CWH43: variants seen among roughly 807,000 people sequenced by gnomAD.
The protein encoded by CWH43 is PGAP2-interacting protein.
In CWH43, 91 loss-of-function variants were observed where a neutral mutation model predicts 85.7. The ratio of observed to expected loss-of-function variants is 1.06; its 90% CI spans 0.90 to 1.26. CWH43 has a LOEUF of 1.26. Ranked by LOEUF, CWH43 falls within the 50% of genes most tolerant of loss-of-function variation. CWH43 has a pLI of 0.00. For missense variants in CWH43, 869 were observed against 839.2 expected (o/e 1.04, Z -0.44); for synonymous variants, 323 against 293.6 (o/e 1.10, Z -1.02).
At chr4:49,042,454 T>A (rs1411737889) in intron 13 of CWH43, among the ~76,000 whole-genome samples, 1 of 152,188 alleles carries the variant, frequency 6.6e-6, no homozygotes, top group African/African-American at 2.4e-5. Context: ...GGAAGATGAG[T>A]TCAGCTTTGG....
At chr4:49,040,008 T>C (rs1784407574) in intron 13 of CWH43, among the ~76,000 whole-genome samples, 1 of 152,132 alleles carries the variant, frequency 6.6e-6, no homozygotes, top group East Asian at 1.9e-4. Flanking sequence ...TGGTTTTTTC[T>C]CCTTGCGATA....
Position 48,992,172 on chromosome 4 carries a change from A to G in CWH43, c.511+82A>G, listed in dbSNP as rs1782679745. On this transcript the variant is annotated intron_variant, in intron 4 of 15. Transcript: ENST00000226432. This position sits in a 1 kb window ranked among gnomAD's most constrained non-coding sequence, Gnocchi z 4.3. ...GTTGCACATCTTGGAAAGAAAATCT[A>G]TAAAAGTAGTCTTTCTGCATTATAT... 5.0e-6 allele frequency: 6 copies of G among 1,195,070 alleles called. No homozygotes were observed. Among genetic ancestry groups the G allele is most frequent in the East Asian group, 4.7e-5 (2 of 42,500 alleles). The allele number at this position is 1,195,070 out of a possible 1,614,324, so 74.0% of individuals were successfully genotyped here. A position where few individuals can be genotyped will look rare whatever the true frequency, so the allele number is the denominator to read the frequency against.
At chr4:48,999,976 A>G (rs1274414960) in intron 6 of CWH43, among the ~76,000 whole-genome samples, 1 of 152,090 alleles carries the variant, frequency 6.6e-6, no homozygotes, top group Non-Finnish European at 1.5e-5. Flanking sequence ...TTATTTTCCT[A>G]TAACAGAATT....
At chr4:49,018,332 T>C (rs760038612) in intron 9 of CWH43, among the ~76,000 whole-genome samples, 7 of 152,058 alleles carry the variant, frequency 4.6e-5, no homozygotes, top group Non-Finnish European at 1.0e-4. Context: ...ACACTAGAGG[T>C]TAAAATTCAA....
At chr4:49,047,783 T>C (rs1223145876) in intron 14 of CWH43, among the ~76,000 whole-genome samples, 1 of 152,020 alleles carries the variant, frequency 6.6e-6, no homozygotes, top group Non-Finnish European at 1.5e-5. Flanking sequence ...AGCAAGCACT[T>C]TGGACATTAT....
At chr4:49,038,787 G>T (rs921683218) in intron 13 of CWH43, among the ~76,000 whole-genome samples, 1 of 152,058 alleles carries the variant, frequency 6.6e-6, no homozygotes, top group Non-Finnish European at 1.5e-5. Flanking sequence ...GGCTGGGTGC[G>T]GTGGCTCACG....
At chr4:49,002,923 T>G (rs541588831) in intron 6 of CWH43, among the ~76,000 whole-genome samples, 88 of 152,320 alleles carry the variant, frequency 5.8e-4, no homozygotes, top group South Asian at 1.2e-3. Flanking sequence ...CTAGCTACCC[T>G]TGAAGGGTGG....
chr4:49,017,081 T>C (rs999896719), intron 8 of CWH43, 168 bp from the exon 9 acceptor site: 5 of 739,380 alleles, frequency 6.8e-6, no homozygotes, highest in African/African-American at 5.2e-5. Context: ...TCAGTGTCAA[T>C]GAGCTCCCCA....
At chr4:49,006,680 C>T (rs1577665588) in intron 7 of CWH43, among the ~76,000 whole-genome samples, 1 of 152,278 alleles carries the variant, frequency 6.6e-6, no homozygotes, top group East Asian at 1.9e-4. Context: ...TTTAGCTCCA[C>T]TTTATTGGCT....
intron 13 of CWH43, among the ~76,000 whole-genome samples, chr4:49,042,871 C>T (rs1235878266): frequency 1.3e-5 from 2 of 152,180 alleles, no homozygotes; most frequent in Admixed American, 6.5e-5. Context: ...AACGTAGTGG[C>T]TTAAAACAGT....
At chr4:48,990,795 TG>T (rs564761401) in intron 2 of CWH43, among the ~76,000 whole-genome samples, 78 of 152,258 alleles carry the variant, frequency 5.1e-4, no homozygotes, top group African/African-American at 1.8e-3. Flanking sequence ...CCAAGAAAAA[TG>T]GAAACATCTG....
chr4:48,991,239 T>A (rs1782646668), intron 2 of CWH43, among the ~76,000 whole-genome samples: 1 of 152,204 alleles, frequency 6.6e-6, no homozygotes, highest in African/African-American at 2.4e-5. Flanking sequence ...TTTATGAGTA[T>A]ACTAAAAACC....
chr4:49,033,914 C>G (rs1784182715), intron 12 of CWH43, among the ~76,000 whole-genome samples: 1 of 152,168 alleles, frequency 6.6e-6, no homozygotes, highest in African/African-American at 2.4e-5. Flanking sequence ...CGTTGTTGTA[C>G]TATAAGTTTT....
At chr4:48,994,923 T>C in intron 5 of CWH43, 103 bp downstream of exon 5, 1 of 902,666 alleles carries the variant, frequency 1.1e-6, no homozygotes, top group Non-Finnish European at 1.8e-6. Context: ...AGATATTTCA[T>C]ACCACTCTCC....
At position 49,032,588 on chromosome 4, in the gene CWH43, C is replaced by T. The variant is rs1456802226; in HGVS notation, c.1531C>T (p.Pro511Ser). 1 of 1,613,806 alleles carries T rather than the reference C, an allele frequency of 6.2e-7. No individual in the cohort carries two copies. Among genetic ancestry groups the T allele is most frequent in the African/African-American group, 1.3e-5 (1 of 74,856 alleles). The change falls in exon 12 of 16, where the codon CCA becomes TCA. Residue 511 changes from proline to serine, a missense_variant. Physicochemically the swap from Pro to Ser is moderately conservative, Grantham distance 74. Coordinates refer to ENST00000226432, the MANE Select transcript of CWH43 (RefSeq NM_025087.3). ...TWGIMALSRY[P>S]IVKSEHHLLP... ...CAGGATTATGGCTTTGTCAAGATAC[C>T]CAATTGTGAAATCTGAGCATCACCT...
chr4:49,039,351 TG>T (rs72413048), intron 13 of CWH43, among the ~76,000 whole-genome samples: 51 of 8,438 alleles, frequency 6.0e-3, no homozygotes, highest in Middle Eastern at 0.12. Flanking sequence ...ATATATATAC[TG>T]ATATATATAT....
intron 15 of CWH43, among the ~76,000 whole-genome samples, chr4:49,055,177 T>C (rs1244229500): frequency 6.6e-6 from 1 of 152,160 alleles, no homozygotes; most frequent in Admixed American, 6.6e-5. Flanking sequence ...TGAGGTCTAT[T>C]TCTGCTATGC....
intron 6 of CWH43, among the ~76,000 whole-genome samples, chr4:49,002,300 G>A (rs1340358390): frequency 6.6e-6 from 1 of 152,012 alleles, no homozygotes; most frequent in Non-Finnish European, 1.5e-5. Context: ...CTTCACAAAT[G>A]GCCAGCAATA....
At chr4:49,003,106 C>T (rs1783045235) in intron 6 of CWH43, among the ~76,000 whole-genome samples, 1 of 152,174 alleles carries the variant, frequency 6.6e-6, no homozygotes, top group African/African-American at 2.4e-5. Flanking sequence ...AATAAACTAA[C>T]ATTTACAGAG....
Sources: allele counts gnomAD v4.1 joint callset (sites outside exome capture counted in the v4.1 genomes callset), GRCh38; gene constraint gnomAD v4.1.1; non-coding constraint Gnocchi (gnomAD v3.1); transcripts MANE v1.5; gene names NCBI Gene and HGNC (gene_info 2026-07-23, HGNC 2026-07-21).